The following MALRD1 variants were observed in gnomAD, a reference collection of about 807,000 sequenced individuals.
The protein encoded by MALRD1 is MAM and LDL-receptor class A domain-containing protein 1.
In MALRD1, 247 loss-of-function variants were observed where a neutral mutation model predicts 242.1. The observed-to-expected ratio is 1.02, with a 90% CI of 0.92 to 1.13. MALRD1 has a LOEUF of 1.13. Ranked by LOEUF, MALRD1 falls within the 50% of genes most tolerant of loss-of-function variation. The pLI is 0.00. For missense variants in MALRD1, 2,989 were observed against 2,533.1 expected, an observed-to-expected ratio of 1.18 and a Z score of -3.86; for synonymous variants, 995 against 866.6, an observed-to-expected ratio of 1.15 and a Z score of -2.60.
chr10:19,712,861 A>G (rs1834197843), intron 38 of MALRD1, among the ~76,000 whole-genome samples: 1 of 152,242 alleles, frequency 6.6e-6, no homozygotes, highest in African/African-American at 2.4e-5. Flanking sequence ...AATGAAAAAT[A>G]GAAGTCAACC....
intron 2 of MALRD1, among the ~76,000 whole-genome samples, chr10:19,072,372 T>C (rs918193715): frequency 3.9e-5 from 6 of 152,218 alleles, no homozygotes; most frequent in African/African-American, 1.4e-4. Flanking sequence ...TGTGTTATGT[T>C]AACCTTTTAT....
intron 31 of MALRD1, among the ~76,000 whole-genome samples, chr10:19,504,663 C>CCTTT (rs1564397363): frequency 7.8e-6 from 1 of 128,696 alleles, no homozygotes; most frequent in African/African-American, 3.2e-5. Context: ...TATTGTAACA[C>CCTTT]ATTTTTTTTT....
At chr10:19,636,498 A>T (rs1564504841) in intron 36 of MALRD1, among the ~76,000 whole-genome samples, 2 of 152,304 alleles carry the variant, frequency 1.3e-5, no homozygotes, top group South Asian at 4.1e-4. Context: ...ATTAAAAAAA[A>T]TTCCTCATGA....
intron 28 of MALRD1, among the ~76,000 whole-genome samples, chr10:19,391,131 G>A (rs560809697): frequency 6.6e-6 from 1 of 152,156 alleles, no homozygotes; most frequent in African/African-American, 2.4e-5. Flanking sequence ...TGCGATATTA[G>A]TCTTCCTACC....
At chr10:19,108,380 G>GTTTTT (rs1836547064) in intron 5 of MALRD1, among the ~76,000 whole-genome samples, 2 of 21,280 alleles carry the variant, frequency 9.4e-5, no homozygotes, top group African/African-American at 2.2e-4. Context: ...CTCATGAATT[G>GTTTTT]TTTTTTCTTT....
At chr10:19,647,598 C>T (rs1321376619) in intron 36 of MALRD1, among the ~76,000 whole-genome samples, 6 of 152,140 alleles carry the variant, frequency 3.9e-5, no homozygotes, top group Non-Finnish European at 8.8e-5. Context: ...TAAACCAGGA[C>T]ATATGGTAAT....
chr10:19,239,282 A>G (rs928023654), intron 18 of MALRD1, among the ~76,000 whole-genome samples: 3 of 151,012 alleles, frequency 2.0e-5, no homozygotes, highest in Non-Finnish European at 4.4e-5. Flanking sequence ...CTGTTCTCAA[A>G]CTCCTGACCT....
chr10:19,561,179 C>T (rs888924383), intron 32 of MALRD1, among the ~76,000 whole-genome samples: 2 of 152,088 alleles, frequency 1.3e-5, no homozygotes, highest in African/African-American at 4.8e-5. Flanking sequence ...CCATTGTGTT[C>T]TAAGAGCATA....
At chr10:19,691,149 G>T (rs1298577808) in intron 36 of MALRD1, among the ~76,000 whole-genome samples, 1 of 151,888 alleles carries the variant, frequency 6.6e-6, no homozygotes, top group Non-Finnish European at 1.5e-5. Context: ...GATTGTGAGG[G>T]AAAAAAACAA....
At chr10:19,723,039 T>C (rs1834843888) in intron 38 of MALRD1, among the ~76,000 whole-genome samples, 1 of 152,262 alleles carries the variant, frequency 6.6e-6, no homozygotes, top group Non-Finnish European at 1.5e-5. Context: ...AAATTCTCTT[T>C]CCACCATCTT....
intron 11 of MALRD1, among the ~76,000 whole-genome samples, chr10:19,148,557 T>C (rs2131446169): frequency 6.6e-6 from 1 of 152,074 alleles, no homozygotes; most frequent in East Asian, 1.9e-4. Flanking sequence ...AATTCACCTT[T>C]AGTCTTTTGC....
intron 18 of MALRD1, among the ~76,000 whole-genome samples, chr10:19,230,361 T>A (rs1305780152): frequency 6.6e-6 from 1 of 151,716 alleles, no homozygotes; most frequent in Non-Finnish European, 1.5e-5. Context: ...AGGCTGTACA[T>A]GAAGCATAGT....
intron 21 of MALRD1, among the ~76,000 whole-genome samples, chr10:19,321,078 T>G (rs763216599): frequency 1.3e-5 from 2 of 152,146 alleles, no homozygotes; most frequent in Non-Finnish European, 2.9e-5. Context: ...TTTAATTAGA[T>G]CCCATTTGTC....
chr10:19,336,140 T>C (rs868819190), intron 24 of MALRD1, among the ~76,000 whole-genome samples: 1 of 152,202 alleles, frequency 6.6e-6, no homozygotes, highest in Middle Eastern at 3.2e-3. Context: ...AAAGTAATTT[T>C]AAAAAATAAT....
chr10:19,249,186 G>A (rs372699494), intron 18 of MALRD1, among the ~76,000 whole-genome samples: 3 of 151,306 alleles, frequency 2.0e-5, no homozygotes, highest in South Asian at 2.1e-4. Context: ...ATAAATAACC[G>A]AAGATTGAAG....
chr10:19,573,929 G>T (rs1409574301), intron 33 of MALRD1, among the ~76,000 whole-genome samples: 1 of 152,094 alleles, frequency 6.6e-6, no homozygotes, highest in Non-Finnish European at 1.5e-5. Flanking sequence ...AGGTTTTGTT[G>T]TTATTGAATT....
At chr10:19,302,984 T>C (rs1011152533) in intron 21 of MALRD1, among the ~76,000 whole-genome samples, 3 of 151,590 alleles carry the variant, frequency 2.0e-5, no homozygotes, top group African/African-American at 7.3e-5. Context: ...ATGCAAAAAG[T>C]TGAAACAAAG....
At chr10:19,441,899 AT>A (rs368354296) in intron 28 of MALRD1, among the ~76,000 whole-genome samples, 5 of 152,188 alleles carry the variant, frequency 3.3e-5, no homozygotes, top group South Asian at 4.1e-4. Context: ...TGGGGATAAC[AT>A]TGAATCTATA....
At chr10:19,217,063 A>G (rs80247732) in intron 18 of MALRD1, among the ~76,000 whole-genome samples, 2,178 of 152,312 alleles carry the variant, frequency 0.014, 22 homozygotes, top group Non-Finnish European at 0.021. Flanking sequence ...TTTGGTCTGC[A>G]TCTCCAACCA....
Sources: allele counts gnomAD v4.1 joint callset (sites outside exome capture counted in the v4.1 genomes callset), GRCh38; gene constraint gnomAD v4.1.1; transcripts MANE v1.5; gene names NCBI Gene and HGNC (gene_info 2026-07-23, HGNC 2026-07-21).